Variants in NSMCE1 observed in about 807,000 individuals in gnomAD.
The protein encoded by NSMCE1 is non-structural maintenance of chromosomes element 1 homolog.
NSMCE1 carries 18 observed loss-of-function variants against 29.6 expected under a neutral mutation model. The observed-to-expected ratio is 0.61, with a 90% CI of 0.42 to 0.90. The LOEUF is 0.90. NSMCE1 is among the 40% of genes least tolerant of loss of function. The probability of loss-of-function intolerance (pLI) is 0.00; values close to 1 mark genes in which losing one functional copy is unlikely to be tolerated. For synonymous variants in NSMCE1, 124 were observed against 133.4 expected (o/e 0.93, Z 0.49); for missense variants, 314 against 343.6 (o/e 0.91, Z 0.68).
chr16:27,266,571 C>G (rs527806313), intron 1 of NSMCE1: 1 of 151,724 alleles, frequency 6.6e-6, no homozygotes, highest in Non-Finnish European at 1.5e-5. Flanking sequence ...GAGCCAAGAT[C>G]GCGTCACTGC....
chr16:27,252,574 G>A (rs1215617634), intron 2 of NSMCE1, among the ~76,000 whole-genome samples: 1 of 152,138 alleles, frequency 6.6e-6, no homozygotes, highest in African/African-American at 2.4e-5. Flanking sequence ...CTTGAGCCTA[G>A]GTGTTCGAGA....
Position 27,226,732 on chromosome 16 carries a change from G to T in NSMCE1, c.588C>A (p.Ser196Arg), listed in dbSNP as rs563871493. 1 of 1,609,674 alleles carries T rather than the reference G, an allele frequency of 6.2e-7. No individual in the cohort carries two copies. Among genetic ancestry groups the T allele is most frequent in the Non-Finnish European group, 8.5e-7 (1 of 1,175,980 alleles). The change falls in exon 6 of 8, where the codon AGC becomes AGA. Residue 196 changes from serine (S) to arginine (R), a missense_variant. By Grantham distance (110) the Ser-to-Arg change is moderately radical. Transcript: ENST00000361439. The part of the protein sequence containing the change: ...DAVKICNICH[S>R]LLIQGQSCET... ...GCCCTGCGGGTACCTGGATGAGGAG[G>T]CTGTGACAGATATTGCAGATCTTCA...
chr16:27,241,862 TCA>T (rs1756729798), intron 2 of NSMCE1: 1 of 455,122 alleles, frequency 2.2e-6, no homozygotes, highest in Non-Finnish European at 4.4e-6. Context: ...CTTCTCTTTC[TCA>T]GAGGTCAGAG....
intron 2 of NSMCE1, among the ~76,000 whole-genome samples, chr16:27,238,872 A>AT (rs545512534): frequency 0.044 from 6,122 of 138,912 alleles, 367 homozygotes; most frequent in African/African-American, 0.13. Context: ...ATCCCGACAC[A>AT]TTTTTTTTTT....
At chr16:27,225,561 C>T (rs528226720) in intron 7 of NSMCE1, among the ~76,000 whole-genome samples, 165 bp downstream of exon 7, 1 of 152,384 alleles carries the variant, frequency 6.6e-6, no homozygotes, top group African/African-American at 2.4e-5. Context: ...GCACGTAGCT[C>T]AGCCTTTACT....
Position 27,234,308 on chromosome 16 carries a change from G to A in NSMCE1, c.259-43C>T, listed in dbSNP as rs28369102. 3.1e-3 allele frequency: 4,264 copies of A among 1,384,878 alleles called. 120 individuals are homozygous for A. In the African/African-American group the frequency reaches 0.052, roughly 17 times the overall value. The allele number at this position is 1,384,878 out of a possible 1,614,324, so 85.8% of individuals were successfully genotyped here. The stretch of plus-strand genomic sequence containing the variant: ...ACGACAGTCAGGCTGTGCTCTTTGC[G>A]TGTTGGTTAACGTGTCGCTGGCTCT... On this transcript the variant is annotated intron_variant, in intron 3 of 7. Coordinates refer to ENST00000361439, the MANE Select transcript of NSMCE1 (RefSeq NM_145080.4).
chr16:27,242,414 G>A (rs2083905243), intron 2 of NSMCE1, among the ~76,000 whole-genome samples: 1 of 152,196 alleles, frequency 6.6e-6, no homozygotes, highest in Non-Finnish European at 1.5e-5. Context: ...ATTACAATCA[G>A]AAAATCTGCT....
chr16:27,236,158 A>G (rs12934276), intron 2 of NSMCE1, among the ~76,000 whole-genome samples: 40,997 of 152,102 alleles, frequency 0.27, 6,341 homozygotes, highest in East Asian at 0.54. Context: ...TGAGGAGGAC[A>G]GAGAGGCTGC....
intron 1 of NSMCE1, among the ~76,000 whole-genome samples, chr16:27,265,046 AT>A (rs2084206501): frequency 6.6e-6 from 1 of 152,048 alleles, no homozygotes; most frequent in Non-Finnish European, 1.5e-5. Flanking sequence ...CAGACAAATG[AT>A]TATGAAAACC....
intron 1 of NSMCE1, chr16:27,266,684 A>C (rs889564723): frequency 3.3e-5 from 5 of 152,182 alleles, no homozygotes; most frequent in Non-Finnish European, 7.3e-5. Context: ...TTAAATGTAC[A>C]TCAGTAAATT....
intron 5 of NSMCE1, among the ~76,000 whole-genome samples, chr16:27,228,387 G>A (rs1476117556): frequency 3.9e-5 from 6 of 152,066 alleles, no homozygotes; most frequent in African/African-American, 1.4e-4. Flanking sequence ...GGGAGGATGT[G>A]ACCAGCCCCC....
chr16:27,235,232 A>G lies in NSMCE1; in HGVS notation c.204T>C (p.Tyr68=). ...NNINSVLESL[Y]IEIKRGVTED... ...CCGTGACTCCTCTCTTTATCTCAAT[A>G]TACAAGGACTCCAAGACACTGTTAA... is the stretch of plus-strand genomic sequence containing the variant. Residue 68 remains tyrosine (Y), a synonymous_variant, in exon 3 of 8, where the codon TAT becomes TAC. Coordinates refer to ENST00000361439, the MANE Select transcript of NSMCE1 (RefSeq NM_145080.4). 1.9e-6 allele frequency: 3 copies of G among 1,613,728 alleles called. No homozygotes were observed. Among genetic ancestry groups the G allele is most frequent in the Non-Finnish European group, 2.5e-6 (3 of 1,179,736 alleles).
At chr16:27,248,666 C>T (rs2083986188) in intron 2 of NSMCE1, among the ~76,000 whole-genome samples, 1 of 152,150 alleles carries the variant, frequency 6.6e-6, no homozygotes, top group Non-Finnish European at 1.5e-5. Flanking sequence ...ACCTCGGCCT[C>T]CCAAACTGCT....
rs917421995 is a variant in NSMCE1 at position 27,232,655 on chromosome 16, C to T, written c.483+346G>A. 1.3e-5 allele frequency among the ~76,000 whole-genome samples: 2 copies of T among 152,222 alleles called. No individual in the cohort carries two copies. Among genetic ancestry groups the T allele is most frequent in the Admixed American group, 6.5e-5 (1 of 15,276 alleles). On this transcript the variant is annotated intron_variant, in intron 5 of 7. Transcript: ENST00000361439. This position sits in a 1 kb window ranked among gnomAD's most constrained non-coding sequence, Gnocchi z 4.5. ...GGTCACCTGGCTCAGGGTTCAGACC[C>T]GGGTTAGATGTTAGAGCCACACTCT...
chr16:27,225,311 A>T, intron 7 of NSMCE1, 75 bp from the exon 8 acceptor site: 1 of 856,826 alleles, frequency 1.2e-6, no homozygotes, highest in South Asian at 1.4e-5. Flanking sequence ...TGGAGCCAGC[A>T]GCTACGTCTC....
At chr16:27,266,857 A>G (rs1243363084) in intron 1 of NSMCE1, among the ~76,000 whole-genome samples, 1 of 151,998 alleles carries the variant, frequency 6.6e-6, no homozygotes, top group Non-Finnish European at 1.5e-5. Flanking sequence ...TTCAATGTTT[A>G]GAACTGAATT....
Position 27,237,841 on chromosome 16 carries a change from C to A in NSMCE1, c.137-2542G>T, listed in dbSNP as rs544967492. 9.4e-4 allele frequency among the ~76,000 whole-genome samples: 143 copies of A among 152,308 alleles called. 1 individual carries two copies. Among genetic ancestry groups the A allele is most frequent in the Non-Finnish European group, 1.5e-3 (100 of 68,028 alleles). On this transcript the variant is annotated intron_variant, in intron 2 of 7. Transcript: ENST00000361439. ...GGCGTCCAGCCTCATTTTTCAGAAA[C>A]CATGAATGTTTTGCTGTATTTTCAT...
At chr16:27,246,292 T>A (rs2083958101) in intron 2 of NSMCE1, among the ~76,000 whole-genome samples, 1 of 152,228 alleles carries the variant, frequency 6.6e-6, no homozygotes, top group Non-Finnish European at 1.5e-5. Context: ...ACTTCAGACA[T>A]TTTTACCTAA....
rs745563443 is a variant in NSMCE1, at chr16:27,233,121, G to A, written c.363C>T (p.Thr121=). 57 of 1,613,776 alleles carry A rather than the reference G, an allele frequency of 3.5e-5. No individual in the cohort carries two copies. The Middle Eastern group carries it at 8.3e-4, about 23-fold the overall frequency. ...ATATGTTTGTGGAAGACGCAAAGCCGGTTTCTGAGTCAATAATCAGTTCCA... is the reference window on the plus strand; with the variant it reads ...ATATGTTTGTGGAAGACGCAAAGCCAGTTTCTGAGTCAATAATCAGTTCCA... ...KALELIIDSE[T]GFASSTNILN... The change falls in exon 5 of 8, where the codon ACC becomes ACT. Residue 121 remains threonine, a synonymous_variant. Transcript: ENST00000361439.
Sources: allele counts gnomAD v4.1 joint callset (sites outside exome capture counted in the v4.1 genomes callset), GRCh38; gene constraint gnomAD v4.1.1; non-coding constraint Gnocchi (gnomAD v3.1); transcripts MANE v1.5; gene names NCBI Gene and HGNC (gene_info 2026-07-23, HGNC 2026-07-21).